Variants in SIPA1L3 observed in about 807,000 individuals in gnomAD.
SIPA1L3 encodes signal-induced proliferation-associated 1-like protein 3.
SIPA1L3 carries 59 observed loss-of-function variants against 150.1 expected under a neutral mutation model. That is an observed-to-expected ratio of 0.39 (90% CI 0.32 to 0.49). SIPA1L3 has a LOEUF of 0.49. Among genes scored for constraint, SIPA1L3 ranks in the 20% least tolerant of loss-of-function variants. The pLI, the probability that SIPA1L3 is intolerant of heterozygous loss-of-function variation, is 0.86. For synonymous variants in SIPA1L3, 1,070 were observed against 1,077.6 expected (o/e 0.99, Z 0.14); for missense variants, 2,211 against 2,489.5 (o/e 0.89, Z 2.38).
At chr19:37,923,748 C>A (rs2046476681) in intron 1 of SIPA1L3, among the ~76,000 whole-genome samples, 1 of 151,776 alleles carries the variant, frequency 6.6e-6, no homozygotes, top group South Asian at 2.1e-4. Context: ...AATTTCTTAA[C>A]TGTTTGGGTT....
intron 1 of SIPA1L3, among the ~76,000 whole-genome samples, chr19:38,009,059 G>A (rs1400850847): frequency 7.9e-5 from 12 of 152,076 alleles, no homozygotes; most frequent in Non-Finnish European, 2.9e-5. Flanking sequence ...GTTTTGAGAG[G>A]AGTCTTGCTC....
At chr19:38,132,592 A>AG (rs899503728) in intron 10 of SIPA1L3, among the ~76,000 whole-genome samples, 3 of 151,306 alleles carry the variant, frequency 2.0e-5, no homozygotes, top group Admixed American at 6.6e-5. Flanking sequence ...CTCAAAAAAA[A>AG]AAAAAAAGAA....
At chr19:37,920,947 A>G (rs2046452698) in intron 1 of SIPA1L3, among the ~76,000 whole-genome samples, 1 of 152,040 alleles carries the variant, frequency 6.6e-6, no homozygotes, top group South Asian at 2.1e-4. Context: ...CATTTTTTCC[A>G]AGGACTTGTT....
At chr19:38,161,776 G>GACA (rs1267085414) in intron 13 of SIPA1L3, among the ~76,000 whole-genome samples, 2 of 152,014 alleles carry the variant, frequency 1.3e-5, no homozygotes, top group East Asian at 3.9e-4. Context: ...GGCTAGGCAT[G>GACA]GTGGCTCACG....
At position 38,120,670 on chromosome 19, in the gene SIPA1L3, C is replaced by T. The variant is rs192137098; in HGVS notation, c.2868+788C>T. Among the ~76,000 whole-genome samples the T allele has an allele frequency of 2.8e-4, 43 of 152,230 alleles. No homozygotes were observed. The East Asian group carries it at 6.2e-3, about 22-fold the overall frequency. ...AGTAAATGTGAATGGTTTAACTTGCCCTATTAAAAGACAAAGACTCACAGT... is the reference window on the plus strand; with the variant it reads ...AGTAAATGTGAATGGTTTAACTTGCTCTATTAAAAGACAAAGACTCACAGT... On this transcript the variant is annotated intron_variant, in intron 9 of 21. Coordinates refer to ENST00000222345, the MANE Select transcript of SIPA1L3 (RefSeq NM_015073.3).
intron 2 of SIPA1L3, among the ~76,000 whole-genome samples, chr19:38,062,684 G>A (rs1238512181): frequency 6.6e-6 from 1 of 152,024 alleles, no homozygotes. Context: ...GCACTACAGT[G>A]ATCTCAGCGC....
chr19:38,057,282 ATATATATG>A (rs1319091747), intron 2 of SIPA1L3, among the ~76,000 whole-genome samples: 2,458 of 150,368 alleles, frequency 0.016, 73 homozygotes, highest in African/African-American at 0.057. Flanking sequence ...TCAAATATAT[ATATATATG>A]TATATATATG....
At chr19:38,136,183 CAAAAAAAAAA>C (rs56146390) in intron 10 of SIPA1L3, among the ~76,000 whole-genome samples, 39 of 44,112 alleles carry the variant, frequency 8.8e-4, no homozygotes, top group African/African-American at 3.0e-3. Flanking sequence ...GAGACTGTCT[CAAAAAAAAAA>C]AAAAAAAAAA....
intron 1 of SIPA1L3, among the ~76,000 whole-genome samples, chr19:38,000,877 T>TA (rs1555775616): frequency 3.1e-4 from 45 of 143,614 alleles, no homozygotes; most frequent in Admixed American, 1.2e-3. Context: ...TCCAAGTTTT[T>TA]TATATATATA....
intron 2 of SIPA1L3, among the ~76,000 whole-genome samples, chr19:38,067,111 C>G (rs1032454852): frequency 6.6e-6 from 1 of 151,880 alleles, no homozygotes; most frequent in Non-Finnish European, 1.5e-5. Context: ...TGCTGGCACA[C>G]CCCTATAGTC....
chr19:37,965,491 T>G (rs771104815), intron 1 of SIPA1L3, among the ~76,000 whole-genome samples: 5 of 152,034 alleles, frequency 3.3e-5, no homozygotes, highest in Non-Finnish European at 7.4e-5. Flanking sequence ...AATTTTTGTA[T>G]TTTTAGTAAA....
intron 12 of SIPA1L3, among the ~76,000 whole-genome samples, chr19:38,147,181 C>A (rs1214515488): frequency 6.6e-6 from 1 of 152,064 alleles, no homozygotes; most frequent in Admixed American, 6.6e-5. Context: ...CATGCCTCAA[C>A]CTCCCATGAA....
In SIPA1L3 at chr19:38,132,241, T is replaced by C. The variant is rs189477299; in HGVS notation, c.3143+1469T>C. On this transcript the variant is annotated intron_variant, in intron 10 of 21. Transcript: ENST00000222345. ...GCAACAGAGGGAGACCTCATCTCTT[T>C]GTTTTTTAAACAGTTGTTCATCAGA... Among the ~76,000 whole-genome samples, 39 of 147,452 alleles carry C rather than the reference T, an allele frequency of 2.6e-4. No homozygotes were observed. The East Asian group carries it at 5.8e-3, about 22-fold the overall frequency.
At chr19:38,173,845 G>A (rs1972382326) in intron 15 of SIPA1L3, among the ~76,000 whole-genome samples, 1 of 152,198 alleles carries the variant, frequency 6.6e-6, no homozygotes, top group African/African-American at 2.4e-5. Flanking sequence ...TGCAGGGCGG[G>A]GAGCAGTGCA....
intron 1 of SIPA1L3, among the ~76,000 whole-genome samples, chr19:37,939,341 C>T (rs900359286): frequency 7.2e-6 from 1 of 139,470 alleles, no homozygotes; most frequent in East Asian, 2.0e-4. Flanking sequence ...GCGGAGGCTG[C>T]AGTGAGCCGA....
intron 2 of SIPA1L3, among the ~76,000 whole-genome samples, chr19:38,071,201 T>TTATC (rs60942211): frequency 0.086 from 12,202 of 142,140 alleles, 565 homozygotes; most frequent in East Asian, 0.11. Flanking sequence ...TTATGTTGTT[T>TTATC]TATCTATCTA....
intron 1 of SIPA1L3, among the ~76,000 whole-genome samples, chr19:37,935,655 C>T (rs1342799879): frequency 2.6e-5 from 4 of 152,128 alleles, no homozygotes; most frequent in African/African-American, 9.7e-5. Flanking sequence ...GAAATGGCAC[C>T]TTGGGAATGG....
intron 16 of SIPA1L3, among the ~76,000 whole-genome samples, chr19:38,187,751 A>G (rs1179230969): frequency 6.6e-6 from 1 of 151,326 alleles, no homozygotes; most frequent in Non-Finnish European, 1.5e-5. Context: ...AAAAGGAAAA[A>G]AAAACTTTTT....
rs1973207981 is a variant in SIPA1L3 at position 38,206,220 on chromosome 19, A to G, written c.5326A>G (p.Arg1776Gly). The G allele has an allele frequency of 1.9e-6, 3 of 1,559,950 alleles. No homozygotes were observed. Among genetic ancestry groups the G allele is most frequent in the African/African-American group, 2.7e-5 (2 of 73,540 alleles). Reference protein sequence around the residue: ...QLRKFAEIFCREKKEL With the variant: ...QLRKFAEIFCGEKKEL Reference sequence around the variant, plus strand: ...GCGCAAGTTTGCGGAGATCTTCTGCAGGGAGAAGAAGGAGCTCTGAGGTGG... The same window carrying G: ...GCGCAAGTTTGCGGAGATCTTCTGCGGGGAGAAGAAGGAGCTCTGAGGTGG... The change falls in exon 22 of 22, where the codon AGG (arginine) becomes GGG (glycine). Residue 1776 changes from arginine to glycine, a missense_variant. Arg to Gly is a moderately radical substitution (Grantham distance 125, BLOSUM62 -2). Around this residue, in one of 5 missense-constraint regions of SIPA1L3, gnomAD observed 63 missense variants for 106.1 expected, o/e 0.59. Transcript: ENST00000222345.
Sources: gnomAD v4.1 joint callset for allele counts (sites outside exome capture counted in the v4.1 genomes callset) on GRCh38, gnomAD v4.1.1 for gene constraint, gnomAD v4.1.1 regional missense constraint, MANE v1.5 for transcripts, NCBI Gene and HGNC (gene_info 2026-07-23, HGNC 2026-07-21) for gene names.